CTNNA3: variants seen among roughly 807,000 people sequenced by gnomAD.
The protein encoded by CTNNA3 is catenin alpha-3.
Under a neutral mutation model 95.7 loss-of-function variants are expected in CTNNA3, and 76 were observed. The observed-to-expected ratio is 0.79, with a 90% CI of 0.66 to 0.96. CTNNA3 has a LOEUF of 0.96. Ranked by LOEUF, CTNNA3 falls within the 40% of genes least tolerant of loss-of-function variation. CTNNA3 has a pLI of 0.00. For synonymous variants in CTNNA3, 431 were observed against 374.4 expected (o/e 1.15, Z -1.74); for missense variants, 1,191 against 1,089.8 (o/e 1.09, Z -1.31).
intron 1 of CTNNA3, among the ~76,000 whole-genome samples, chr10:67,728,041 T>C (rs1433815814): frequency 7.1e-6 from 1 of 141,082 alleles, no homozygotes; most frequent in Admixed American, 7.5e-5. Flanking sequence ...GATATATAAT[T>C]ATAATTATAT....
intron 5 of CTNNA3, among the ~76,000 whole-genome samples, chr10:67,272,256 T>A (rs188488139): frequency 6.6e-6 from 1 of 152,120 alleles, no homozygotes; most frequent in African/African-American, 2.4e-5. Flanking sequence ...CCAATTTTTT[T>A]AAATGTCCAT....
At chr10:67,074,954 C>T (rs1183821279) in intron 7 of CTNNA3, among the ~76,000 whole-genome samples, 1 of 152,136 alleles carries the variant, frequency 6.6e-6, no homozygotes, top group African/African-American at 2.4e-5. Flanking sequence ...CTCTACCTCC[C>T]TTTTGCATAT....
intron 13 of CTNNA3, among the ~76,000 whole-genome samples, chr10:66,238,132 C>T (rs970324241): frequency 2.0e-5 from 3 of 151,964 alleles, no homozygotes; most frequent in African/African-American, 7.2e-5. Flanking sequence ...AAAGCAGGTT[C>T]ACCCTATAGT....
chr10:66,680,155 GC>G (rs1847014539), intron 9 of CTNNA3, among the ~76,000 whole-genome samples: 1 of 143,666 alleles, frequency 7.0e-6, no homozygotes. Context: ...ATGCCACCAT[GC>G]CCGACTAATG....
At chr10:66,083,558 A>G (rs146036529) in intron 14 of CTNNA3, among the ~76,000 whole-genome samples, 1 of 152,348 alleles carries the variant, frequency 6.6e-6, no homozygotes, top group African/African-American at 2.4e-5. Flanking sequence ...TGGACTATAT[A>G]TAAAAATATT....
intron 5 of CTNNA3, among the ~76,000 whole-genome samples, chr10:67,385,916 T>C (rs957689719): frequency 1.3e-5 from 2 of 151,888 alleles, no homozygotes; most frequent in African/African-American, 4.8e-5. Flanking sequence ...TACCAGCCTG[T>C]GCACGGGAGC....
chr10:67,004,339 C>G (rs1851850879), intron 7 of CTNNA3, among the ~76,000 whole-genome samples: 1 of 152,140 alleles, frequency 6.6e-6, no homozygotes, highest in Admixed American at 6.5e-5. Context: ...TATCAATATT[C>G]ATGTGAATCA....
chr10:66,411,041 C>A (rs1911488), intron 11 of CTNNA3, among the ~76,000 whole-genome samples: 62,666 of 152,054 alleles, frequency 0.41, 13,968 homozygotes, highest in East Asian at 0.6. Context: ...ACATTCAACA[C>A]ATATTTAGCT....
At chr10:66,774,842 C>CT (rs1347612483) in intron 8 of CTNNA3, among the ~76,000 whole-genome samples, 2 of 152,222 alleles carry the variant, frequency 1.3e-5, no homozygotes, top group South Asian at 2.1e-4. Flanking sequence ...TCATACTAGA[C>CT]TTATAAATTG....
intron 13 of CTNNA3, among the ~76,000 whole-genome samples, chr10:66,128,713 G>A (rs1223116838): frequency 3.3e-5 from 5 of 152,132 alleles, no homozygotes. Context: ...CATTATGATG[G>A]TGTTTAATGT....
chr10:66,849,768 C>A (rs145690942), intron 7 of CTNNA3, among the ~76,000 whole-genome samples: 145 of 152,226 alleles, frequency 9.5e-4, no homozygotes, highest in African/African-American at 3.0e-3. Flanking sequence ...TTTCAGACTT[C>A]CGGCCTCCAA....
intron 7 of CTNNA3, among the ~76,000 whole-genome samples, chr10:66,961,945 T>A (rs1849130622): frequency 6.6e-6 from 1 of 152,132 alleles, no homozygotes; most frequent in Non-Finnish European, 1.5e-5. Context: ...CACTTCCAAC[T>A]CATCACTAAA....
chr10:66,582,534 T>C (rs1843223089), intron 10 of CTNNA3, among the ~76,000 whole-genome samples: 1 of 151,810 alleles, frequency 6.6e-6, no homozygotes, highest in Non-Finnish European at 1.5e-5. Flanking sequence ...TAGGAGTCTT[T>C]TGGAAGAATC....
rs1159371374 is a variant in CTNNA3 at position 67,574,773 on chromosome 10, G to A, written c.292+32084C>T. 3.9e-5 allele frequency among the ~76,000 whole-genome samples: 6 copies of A among 151,964 alleles called. No homozygotes were observed. The East Asian group carries it at 9.7e-4, about 25-fold the overall frequency. ...TTTTTGTATTTTTAGTAGAGATGGG[G>A]TTTCACCATGTTGGCCAGGCTGGTC... On this transcript the variant is annotated intron_variant, in intron 3 of 17. Transcript: ENST00000433211.
intron 7 of CTNNA3, among the ~76,000 whole-genome samples, chr10:67,081,734 C>T (rs141592293): frequency 2.4e-4 from 36 of 152,292 alleles, no homozygotes; most frequent in African/African-American, 7.9e-4. Context: ...TGCACTTCTG[C>T]CTAGAACAGT....
chr10:66,836,155 T>A (rs1377571946), intron 7 of CTNNA3, among the ~76,000 whole-genome samples: 1 of 152,184 alleles, frequency 6.6e-6, no homozygotes, highest in East Asian at 1.9e-4. Flanking sequence ...AGCTACAACA[T>A]GATGTCACTG....
intron 9 of CTNNA3, among the ~76,000 whole-genome samples, chr10:66,688,158 G>A (rs1369909884): frequency 6.6e-6 from 1 of 152,096 alleles, no homozygotes; most frequent in Non-Finnish European, 1.5e-5. Context: ...GATTTACATG[G>A]CAGGAGAGTA....
chr10:66,519,279 T>C (rs1358389037), intron 11 of CTNNA3, among the ~76,000 whole-genome samples: 2 of 151,980 alleles, frequency 1.3e-5, no homozygotes, highest in African/African-American at 4.8e-5. Flanking sequence ...TGGGATATTA[T>C]TCTAATTTGT....
intron 11 of CTNNA3, among the ~76,000 whole-genome samples, chr10:66,445,380 GCACCA>G (rs1423036375): frequency 4.6e-5 from 7 of 151,800 alleles, no homozygotes; most frequent in East Asian, 1.9e-4. Context: ...TTTTTTTTCA[GCACCA>G]CACCACACCT....
Sources: gnomAD v4.1 joint callset for allele counts (sites outside exome capture counted in the v4.1 genomes callset) on GRCh38, gnomAD v4.1.1 for gene constraint, MANE v1.5 for transcripts, NCBI Gene and HGNC (gene_info 2026-07-23, HGNC 2026-07-21) for gene names.